Variants in DISC1 observed in about 807,000 individuals in gnomAD.
The protein encoded by DISC1 is DISC1 scaffold protein.
In DISC1, 57 loss-of-function variants were observed where a neutral mutation model predicts 84.5. The observed-to-expected ratio is 0.67, with a 90% CI of 0.55 to 0.84. DISC1 has a LOEUF of 0.84. Ranked by LOEUF, DISC1 falls within the 40% of genes least tolerant of loss-of-function variation. The probability of loss-of-function intolerance (pLI) is 0.00; values close to 1 mark genes in which losing one functional copy is unlikely to be tolerated. For synonymous variants in DISC1, 411 were observed against 415.2 expected, an observed-to-expected ratio of 0.99 and a Z score of 0.12; for missense variants, 1,000 against 1,057.8, an observed-to-expected ratio of 0.95 and a Z score of 0.76.
chr1:231,639,519 T>C (rs1290287383), intron 1 of DISC1, among the ~76,000 whole-genome samples: 4 of 152,168 alleles, frequency 2.6e-5, no homozygotes, highest in African/African-American at 7.2e-5. Flanking sequence ...TCACTTAAAT[T>C]GTGATCAGAA....
At chr1:231,847,505 A>G (rs2083544388) in intron 9 of DISC1, among the ~76,000 whole-genome samples, 1 of 152,144 alleles carries the variant, frequency 6.6e-6, no homozygotes, top group Admixed American at 6.5e-5. Context: ...ACAGAAAATA[A>G]TCCAGAAAGT....
Position 231,796,962 on chromosome 1 carries a change from C to G in DISC1, c.1689+1666C>G, listed in dbSNP as rs184360023. ...GAACTTCTGAGCTCAAGCGATCCTC[C>G]TGCCTCAGTGTGTCAAAATTGGGAT... On this transcript the variant is annotated intron_variant, in intron 7 of 12. Coordinates refer to ENST00000439617, the MANE Select transcript of DISC1 (RefSeq NM_018662.3). Among the ~76,000 whole-genome samples the G allele has an allele frequency of 9.2e-5, 14 of 152,280 alleles. No homozygotes were observed. In the East Asian group the frequency reaches 2.7e-3, roughly 29 times the overall value.
At position 231,979,707 on chromosome 1, in the gene DISC1, A is replaced by T. The variant is rs146531927; in HGVS notation, c.2042+20819A>T. 4.7e-3 allele frequency among the ~76,000 whole-genome samples: 709 copies of T among 151,120 alleles called. 7 individuals are homozygous for T. The highest frequency in any genetic ancestry group is 0.016 in the African/African-American group (668 of 41,306). On this transcript the variant is annotated intron_variant, in intron 10 of 12. Transcript: ENST00000439617. ...ACTGATATATATATAAAATATACTA[A>T]TGCAAATACACATGTAATAGTATAT... is the stretch of plus-strand genomic sequence containing the variant.
At chr1:231,760,138 A>G (rs2075528844) in intron 4 of DISC1, among the ~76,000 whole-genome samples, 1 of 152,204 alleles carries the variant, frequency 6.6e-6, no homozygotes, top group South Asian at 2.1e-4. Context: ...TTCCTGAGGA[A>G]TGTGACTTCT....
intron 9 of DISC1, chr1:231,866,473 C>G (rs1460284831): frequency 1.3e-6 from 1 of 778,818 alleles, no homozygotes; most frequent in Admixed American, 1.7e-5. Flanking sequence ...TATTACAAGG[C>G]TCCAGGCACT....
At chr1:231,916,211 G>A (rs1430743337) in intron 9 of DISC1, among the ~76,000 whole-genome samples, 1 of 152,118 alleles carries the variant, frequency 6.6e-6, no homozygotes, top group African/African-American at 2.4e-5. Flanking sequence ...TTTCTTAGAG[G>A]CATTCTTACT....
At chr1:231,842,161 T>G (rs1403612580) in intron 9 of DISC1, among the ~76,000 whole-genome samples, 1 of 152,136 alleles carries the variant, frequency 6.6e-6, no homozygotes, top group Non-Finnish European at 1.5e-5. Flanking sequence ...CATGCCTGGC[T>G]AATTTTTAAA....
At chr1:231,807,687 C>T (rs976742984) in intron 8 of DISC1, among the ~76,000 whole-genome samples, 4 of 152,200 alleles carry the variant, frequency 2.6e-5, no homozygotes, top group African/African-American at 9.6e-5. Context: ...GTTCCAGCTT[C>T]TGGATGCTGG....
chr1:231,767,007 A>C, intron 4 of DISC1, 133 bp from the exon 5 acceptor site: 1 of 1,206,738 alleles, frequency 8.3e-7, no homozygotes, highest in Middle Eastern at 2.8e-4. Flanking sequence ...TCATCCTAAA[A>C]ACAGGTAAGT....
intron 11 of DISC1, among the ~76,000 whole-genome samples, chr1:232,016,821 C>T (rs1668527910): frequency 6.6e-6 from 1 of 152,222 alleles, no homozygotes; most frequent in Non-Finnish European, 1.5e-5. Context: ...TTCTTTACCA[C>T]TGACGACATC....
intron 9 of DISC1, among the ~76,000 whole-genome samples, chr1:231,849,765 T>G (rs1006212413): frequency 2.6e-5 from 4 of 152,220 alleles, no homozygotes; most frequent in African/African-American, 4.8e-5. Context: ...ATAACCTTTG[T>G]CTTCTCACCA....
At chr1:232,035,389 G>A (rs990811026) in intron 12 of DISC1, among the ~76,000 whole-genome samples, 4 of 152,164 alleles carry the variant, frequency 2.6e-5, no homozygotes, top group Non-Finnish European at 4.4e-5. Flanking sequence ...AGGTTGCAGT[G>A]AGCCGAGATC....
intron 9 of DISC1, among the ~76,000 whole-genome samples, chr1:231,859,085 G>A (rs940161357): frequency 6.6e-6 from 1 of 152,146 alleles, no homozygotes; most frequent in Non-Finnish European, 1.5e-5. Context: ...TTGGAAACCA[G>A]CATACTTCTG....
intron 10 of DISC1, among the ~76,000 whole-genome samples, chr1:231,968,386 A>G (rs951116621): frequency 6.6e-6 from 1 of 151,454 alleles, no homozygotes; most frequent in African/African-American, 2.4e-5. Context: ...GGCGGAGGCA[A>G]CTCTTCCCTT....
chr1:231,775,843 T>C (rs200278595), intron 6 of DISC1, among the ~76,000 whole-genome samples: 29 of 151,962 alleles, frequency 1.9e-4, no homozygotes, highest in Non-Finnish European at 3.4e-4. Context: ...GCTTGGTTCT[T>C]CTCCCACACG....
At position 231,630,979 on chromosome 1, in the gene DISC1, C is replaced by T. The variant is rs115746379; in HGVS notation, c.67+4045C>T. On this transcript the variant is annotated intron_variant, in intron 1 of 12. Coordinates refer to ENST00000439617, the MANE Select transcript of DISC1 (RefSeq NM_018662.3). The surrounding 1 kb of genome is among the most constrained non-coding windows in gnomAD (Gnocchi z 4.4). ...CACAGCCCCTTATATGACTACTGGT[C>T]CTGTATCTGCTTCCTTTCCCTGCCC... Among the ~76,000 whole-genome samples, 2,413 of 152,200 alleles carry T rather than the reference C, an allele frequency of 0.016. 69 individuals are homozygous for T. Among genetic ancestry groups the T allele is most frequent in the African/African-American group, 0.055 (2,272 of 41,526 alleles).
At chr1:231,958,756 T>A in intron 9 of DISC1, 72 bp from the exon 10 acceptor site, 1 of 1,480,912 alleles carries the variant, frequency 6.8e-7, no homozygotes, top group East Asian at 2.3e-5. Flanking sequence ...GGCTTTGAGC[T>A]TTTAGTTGAA....
Position 231,954,798 on chromosome 1 carries a change from ACAGTCTTGGCCTGTCTTGAAGGTT to A in DISC1, c.1982-4029_1982-4006del, listed in dbSNP as rs1558776755. On this transcript the variant is annotated intron_variant, in intron 9 of 12. Coordinates refer to ENST00000439617, the MANE Select transcript of DISC1 (RefSeq NM_018662.3). The surrounding 1 kb of genome is among the most constrained non-coding windows in gnomAD (Gnocchi z 4.8). ...AGTTTAAAATCTAAACTCCCTGTCT[ACAGTCTTGGCCTGTCTTGAAGGTT>A]GTGAGTCAACTTAGTGAATACATGC... 2.0e-5 allele frequency among the ~76,000 whole-genome samples: 3 copies of A among 152,228 alleles called. No homozygotes were observed. The highest frequency in any genetic ancestry group is 7.2e-5 in the African/African-American group (3 of 41,460).
intron 4 of DISC1, among the ~76,000 whole-genome samples, chr1:231,765,265 G>T (rs1421094070): frequency 1.3e-5 from 2 of 149,642 alleles, no homozygotes; most frequent in East Asian, 3.9e-4. Flanking sequence ...TATTTCTGAG[G>T]TGGGGGATCT....
Sources: allele counts gnomAD v4.1 joint callset (sites outside exome capture counted in the v4.1 genomes callset), GRCh38; gene constraint gnomAD v4.1.1; non-coding constraint Gnocchi (gnomAD v3.1); transcripts MANE v1.5; gene names NCBI Gene and HGNC (gene_info 2026-07-23, HGNC 2026-07-21).